EXD3: variants seen among roughly 807,000 people sequenced by gnomAD.
The protein encoded by EXD3 is exonuclease mut-7 homolog.
Under a neutral mutation model 98.0 loss-of-function variants are expected in EXD3, and 92 were observed. The observed-to-expected ratio is 0.94, with a 90% CI of 0.79 to 1.12. The LOEUF is 1.12. Ranked by LOEUF, EXD3 falls within the 50% of genes most tolerant of loss-of-function variation. EXD3 has a pLI of 0.00. For synonymous variants in EXD3, 569 were observed against 526.0 expected (o/e 1.08, Z -1.12); for missense variants, 1,222 against 1,191.6 (o/e 1.03, Z -0.38).
chr9:137,345,094 C>G (rs1378149261), intron 17 of EXD3, among the ~76,000 whole-genome samples: 1 of 152,280 alleles, frequency 6.6e-6, no homozygotes, highest in Non-Finnish European at 1.5e-5. Context: ...ACAAAGTCAG[C>G]TTCTCTCTGA....
chr9:137,337,088 T>C (rs1833391101), intron 17 of EXD3, among the ~76,000 whole-genome samples: 1 of 151,998 alleles, frequency 6.6e-6, no homozygotes, highest in South Asian at 2.1e-4. Flanking sequence ...CAAAGAATAA[T>C]GGAGAAATGG....
chr9:137,327,988 C>G (rs919573131), intron 17 of EXD3, among the ~76,000 whole-genome samples: 3 of 140,904 alleles, frequency 2.1e-5, no homozygotes, highest in Non-Finnish European at 4.6e-5. Flanking sequence ...AATATACACC[C>G]ATATGATGAG....
chr9:137,372,271 G>A (rs1835660732), intron 5 of EXD3, among the ~76,000 whole-genome samples: 1 of 152,238 alleles, frequency 6.6e-6, no homozygotes, highest in Non-Finnish European at 1.5e-5. Context: ...GTGCCGAGGT[G>A]CGACTGGTGC....
chr9:137,354,305 C>G, intron 10 of EXD3, 34 bp downstream of exon 10: 1 of 1,610,378 alleles, frequency 6.2e-7, no homozygotes, highest in Non-Finnish European at 8.5e-7. Context: ...GCCCAGGCCG[C>G]CCTGCCGGCT....
At chr9:137,417,086 G>A (rs1443911736) in intron 1 of EXD3, among the ~76,000 whole-genome samples, 4 of 152,198 alleles carry the variant, frequency 2.6e-5, no homozygotes, top group Non-Finnish European at 5.9e-5. Context: ...GGCGACCCTC[G>A]TGACGACCGA....
At chr9:137,396,168 A>G (rs1332133132) in intron 1 of EXD3, among the ~76,000 whole-genome samples, 1 of 152,008 alleles carries the variant, frequency 6.6e-6, no homozygotes, top group Non-Finnish European at 1.5e-5. Flanking sequence ...GGGTTTCCCC[A>G]TGTTGGTCAG....
intron 7 of EXD3, among the ~76,000 whole-genome samples, chr9:137,364,414 G>T (rs1318113202): frequency 6.6e-6 from 1 of 151,992 alleles, no homozygotes; most frequent in Non-Finnish European, 1.5e-5. Context: ...CTGAGGTCAG[G>T]GGTTCGGGAG....
rs1225298958 is a variant in EXD3 at position 137,324,263 on chromosome 9, C to T, written c.1999-120G>A. On this transcript the variant is annotated intron_variant, in intron 17 of 21. Transcript: ENST00000340951. The surrounding 1 kb of genome is among the most constrained non-coding windows in gnomAD (Gnocchi z 4.1). ...GGCCCTGCCCCAGGCCCCTTTTGTC[C>T]TCCAGGGTGGCCTCTGCCTGGGGTC... The T allele has an allele frequency of 2.4e-6, 2 of 841,360 alleles. No individual in the cohort carries two copies. The highest frequency in any genetic ancestry group is 2.7e-5 in the East Asian group (1 of 37,186). 52.1% of individuals were successfully genotyped at this position (841,360 alleles called of 1,614,324 possible). A position where few individuals can be genotyped will look rare whatever the true frequency, so the allele number is the denominator to read the frequency against.
At chr9:137,313,101 C>A (rs1831453705) in intron 19 of EXD3, among the ~76,000 whole-genome samples, 1 of 152,140 alleles carries the variant, frequency 6.6e-6, no homozygotes, top group Non-Finnish European at 1.5e-5. Flanking sequence ...CACCCTTGGA[C>A]CCCACCCACC....
intron 2 of EXD3, among the ~76,000 whole-genome samples, chr9:137,384,738 C>G (rs1564196769): frequency 6.6e-6 from 1 of 152,194 alleles, no homozygotes; most frequent in Non-Finnish European, 1.5e-5. Context: ...ACAGAAATGG[C>G]CATTTCAAAA....
intron 1 of EXD3, among the ~76,000 whole-genome samples, chr9:137,416,486 C>T (rs991032438): frequency 1.3e-5 from 2 of 152,378 alleles, no homozygotes; most frequent in Admixed American, 1.3e-4. Context: ...CCACCAGAAA[C>T]ATCCGGCCGG....
At chr9:137,323,952 C>G (rs1170489153) in intron 18 of EXD3, 96 bp from the exon 19 acceptor site, 9 of 1,528,938 alleles carry the variant, frequency 5.9e-6, no homozygotes, top group Non-Finnish European at 7.9e-6. Context: ...GGAGCCTTCT[C>G]TCGGCCCACC....
At chr9:137,338,520 A>G (rs1833480702) in intron 17 of EXD3, among the ~76,000 whole-genome samples, 1 of 152,140 alleles carries the variant, frequency 6.6e-6, no homozygotes, top group South Asian at 2.1e-4. Flanking sequence ...AAAGATAAGA[A>G]CAGAAATTGA....
In EXD3 at chr9:137,409,250, C is replaced by T. The variant is rs190527170; in HGVS notation, c.-47-13846G>A. Among the ~76,000 whole-genome samples the T allele has an allele frequency of 3.1e-4, 47 of 152,312 alleles. No homozygotes were observed. The East Asian group carries it at 8.5e-3, about 28-fold the overall frequency. On this transcript the variant is annotated intron_variant, in intron 1 of 21. Coordinates refer to ENST00000340951, the MANE Select transcript of EXD3 (RefSeq NM_017820.5). ...GGCCCTCACCATGGCTGCCCCGAGC[C>T]GCCTCAGGACCCTTCGGAGTCCCAC... is the stretch of plus-strand genomic sequence containing the variant.
At position 137,349,109 on chromosome 9, in the gene EXD3, C is replaced by T. The variant is rs765038063; in HGVS notation, c.1830+1G>A. The T allele has an allele frequency of 3.8e-6, 6 of 1,591,924 alleles. No homozygotes were observed. The Admixed American group carries it at 8.5e-5, about 23-fold the overall frequency. On this transcript the variant is annotated splice_donor_variant, in intron 16 of 21. Transcript: ENST00000340951. LOFTEE classifies it high-confidence loss of function. The surrounding 1 kb of genome is among the most constrained non-coding windows in gnomAD (Gnocchi z 7.4). ...AACGGACCCTGCGGGGCTTCACCCA[C>T]CTGCCTGGGTGCGGCCGGTGCTGAC...
chr9:137,398,217 G>A (rs576261307), intron 1 of EXD3, among the ~76,000 whole-genome samples: 219 of 152,292 alleles, frequency 1.4e-3, no homozygotes, highest in South Asian at 2.5e-3. Context: ...GTCCACAGCC[G>A]GGCGCCCTCT....
intron 17 of EXD3, among the ~76,000 whole-genome samples, chr9:137,332,360 C>G (rs545569717): frequency 1.3e-5 from 2 of 152,096 alleles, no homozygotes; most frequent in African/African-American, 4.8e-5. Context: ...GAGGCCGAGG[C>G]AGGTGGATCA....
rs1368480522 is a variant in EXD3 at position 137,381,983 on chromosome 9, AGAGGAGGTGAGGACGCGGG to A, written c.120+1311_120+1329del. Reference sequence around the variant, plus strand: ...GCGCAGGGAGGAGGTGGGAGCACGCAGAGGAGGTGAGGACGCGGGGAGGAGGTGAGGACGCGGGGAGGAG... The same window carrying A: ...GCGCAGGGAGGAGGTGGGAGCACGCAGAGGAGGTGAGGACGCGGGGAGGAG... On this transcript the variant is annotated intron_variant, in intron 3 of 21. Coordinates refer to ENST00000340951, the MANE Select transcript of EXD3 (RefSeq NM_017820.5). Among the ~76,000 whole-genome samples, 473 of 100,014 alleles carry A rather than the reference AGAGGAGGTGAGGACGCGGG, an allele frequency of 4.7e-3. 2 individuals are homozygous for A. The highest frequency in any genetic ancestry group is 0.018 in the African/African-American group (367 of 20,788). 65.6% of individuals were successfully genotyped at this position (100,014 alleles called of 152,430 possible).
chr9:137,342,994 C>T (rs1374274799), intron 17 of EXD3, among the ~76,000 whole-genome samples: 1 of 152,190 alleles, frequency 6.6e-6, no homozygotes, highest in Non-Finnish European at 1.5e-5. Flanking sequence ...GTGGTGGGTG[C>T]CTGTAATCCC....
Sources: allele counts gnomAD v4.1 joint callset (sites outside exome capture counted in the v4.1 genomes callset), GRCh38; gene constraint gnomAD v4.1.1; non-coding constraint Gnocchi (gnomAD v3.1); transcripts MANE v1.5; gene names NCBI Gene and HGNC (gene_info 2026-07-23, HGNC 2026-07-21).